The following L1TD1 variants were observed in gnomAD, a reference collection of about 807,000 sequenced individuals.
L1TD1 encodes the protein LINE1 type transposase domain containing 1.
In L1TD1, 26 loss-of-function variants were observed where a neutral mutation model predicts 25.7. The observed-to-expected ratio is 1.01, with a 90% CI of 0.74 to 1.40. The LOEUF (loss-of-function observed/expected upper bound fraction) is 1.40, where lower values mean the gene tolerates loss of function less well. Among genes scored for constraint, L1TD1 ranks in the 40% most tolerant of loss-of-function variants. The probability of loss-of-function intolerance (pLI) is 0.00; values close to 1 mark genes in which losing one functional copy is unlikely to be tolerated. For synonymous variants in L1TD1, 421 were observed against 335.6 expected (o/e 1.25, Z -2.78); for missense variants, 1,130 against 975.0 (o/e 1.16, Z -2.12).
Position 62,207,551 on chromosome 1 carries a change from C to T in L1TD1, c.923C>T (p.Ser308Phe), listed in dbSNP as rs1256670999. The change falls in exon 3 of 4, where the codon TCT becomes TTT. Residue 308 changes from serine to phenylalanine, a missense_variant. Transcript: ENST00000498273. Reference protein sequence around the residue: ...SLRKFASQKSSVKELLKDVLP... With the variant: ...SLRKFASQKSFVKELLKDVLP... ...AGAAAATTTGCCAGCCAAAAATCTT[C>T]TGTGAAAGAATTACTGAAAGATGTA... is the stretch of plus-strand genomic sequence containing the variant. 6.4e-7 allele frequency: 1 copy of T among 1,550,752 alleles called. No homozygotes were observed. The highest frequency in any genetic ancestry group is 1.4e-5 in the African/African-American group (1 of 72,938).
rs1218987312 is a variant in L1TD1, at chr1:62,211,151, A to G, written c.2377A>G (p.Thr793Ala). 6.4e-7 allele frequency: 1 copy of G among 1,550,406 alleles called. No homozygotes were observed. The highest frequency in any genetic ancestry group is 8.7e-7 in the Non-Finnish European group (1 of 1,146,706). ...CTACCAAGGAACAAGAATCAGGTTG[A>G]CAGCAGACTTATCACTGGACACACT... ...ITYQGTRIRL[T>A]ADLSLDTLDA... is the part of the protein sequence containing the mutation. Residue 793 changes from threonine (T) to alanine (A), a missense_variant, in exon 4 of 4, where the codon ACA (threonine) becomes GCA (alanine). Transcript: ENST00000498273.
At chr1:62,202,478 T>G in intron 2 of L1TD1, among the ~76,000 whole-genome samples, 1 of 151,870 alleles carries the variant, frequency 6.6e-6, no homozygotes, top group Non-Finnish European at 1.5e-5. Flanking sequence ...GAAGTTACTT[T>G]GTGATAAATG....
At chr1:62,202,388 C>A (rs971506657) in intron 2 of L1TD1, among the ~76,000 whole-genome samples, 1 of 151,124 alleles carries the variant, frequency 6.6e-6, no homozygotes, top group Non-Finnish European at 1.5e-5. Flanking sequence ...TTACATGTTT[C>A]CTCTTTTGAC....
At chr1:62,198,341 C>T (rs1670581991) in intron 2 of L1TD1, among the ~76,000 whole-genome samples, 1 of 150,804 alleles carries the variant, frequency 6.6e-6, no homozygotes, top group Non-Finnish European at 1.5e-5. Context: ...AAAGCAAAAA[C>T]ACAAAAGTCA....
chr1:62,198,274 C>T (rs561141477), intron 2 of L1TD1, among the ~76,000 whole-genome samples: 2 of 151,442 alleles, frequency 1.3e-5, no homozygotes, highest in African/African-American at 2.4e-5. Flanking sequence ...TTGTGACCAG[C>T]GAACAGTGAT....
chr1:62,209,991 A>AGG lies in L1TD1; in HGVS notation c.1218_1219dup (p.Glu407GlyfsTer27), dbSNP rs768169337. 1.1e-5 allele frequency: 16 copies of AGG among 1,470,834 alleles called. No homozygotes were observed. The African/African-American group carries it at 2.5e-4, about 23-fold the overall frequency. 91.1% of individuals were successfully genotyped at this position (1,470,834 alleles called of 1,614,324 possible). A position where few individuals can be genotyped will look rare whatever the true frequency, so the allele number is the denominator to read the frequency against. On this transcript the variant is annotated frameshift_variant, in exon 4 of 4. Transcript: ENST00000498273. LOFTEE classifies it low-confidence loss of function (END_TRUNC). ...GAAGATACCTCAGGGCTGGAGGAGGAGGAGGAAGAGCCCTCAGGGCTGGAG... is the reference window on the plus strand; with the variant it reads ...GAAGATACCTCAGGGCTGGAGGAGGAGGGGAGGAAGAGCCCTCAGGGCTGGAG...
At chr1:62,199,598 C>T (rs537601472) in intron 2 of L1TD1, among the ~76,000 whole-genome samples, 4 of 151,630 alleles carry the variant, frequency 2.6e-5, no homozygotes, top group East Asian at 1.9e-4. Flanking sequence ...CATGGTGGTG[C>T]GTGCTTGTAT....
At chr1:62,208,388 T>G (rs1670792859) in intron 3 of L1TD1, 1 of 152,288 alleles carries the variant, frequency 6.6e-6, no homozygotes, top group Non-Finnish European at 1.5e-5. Context: ...GCTCATGTTC[T>G]TGATCACCTT....
intron 1 of L1TD1, 118 bp from the exon 2 acceptor site, chr1:62,196,317 T>A (rs1248009363): frequency 1.3e-5 from 2 of 152,226 alleles, no homozygotes; most frequent in African/African-American, 4.8e-5. Context: ...TGTGTGTGCC[T>A]TTTTAAGCAA....
rs78393529 is a variant in L1TD1 at position 62,206,319 on chromosome 1, A to G, written c.-110-200A>G. ...TCTTTGGTTAATTTATTGCATTCAA[A>G]TCACTATGTAAAGGGAATTTTCATG... On this transcript the variant is annotated intron_variant, in intron 2 of 3. Coordinates refer to ENST00000498273, the MANE Select transcript of L1TD1 (RefSeq NM_019079.5). Among the ~76,000 whole-genome samples, 1,201 of 152,250 alleles carry G rather than the reference A, an allele frequency of 7.9e-3. 23 individuals carry two copies. The highest frequency in any genetic ancestry group is 0.028 in the African/African-American group (1,168 of 41,550).
rs1463368851 is a variant in L1TD1 at position 62,207,637 on chromosome 1, G to A, written c.1008+1G>A. 2 of 1,527,554 alleles carry A rather than the reference G, an allele frequency of 1.3e-6. No homozygotes were observed. Among genetic ancestry groups the A allele is most frequent in the Admixed American group, 2.2e-5 (1 of 45,270 alleles). 94.6% of individuals were successfully genotyped at this position (1,527,554 alleles called of 1,614,324 possible). A position where few individuals can be genotyped will look rare whatever the true frequency, so the allele number is the denominator to read the frequency against. On this transcript the variant is annotated splice_donor_variant, in intron 3 of 3. Transcript: ENST00000498273. LOFTEE classifies it high-confidence loss of function. ...AAAATATGGAATTCAAGAAAAAAGG[G>A]TAAGCATACAAATGTATAAATGTAT...
rs1220640977 is a variant in L1TD1 at position 62,205,435 on chromosome 1, A to ATTTTTT, written c.-110-1083_-110-1082insTTTTTT. On this transcript the variant is annotated intron_variant, in intron 2 of 3. Transcript: ENST00000498273. ...TCTCTCTCTATATATATATATATAT[A>ATTTTTT]TATATATATTTTTTTTTAGACAGTC... 4.4e-4 allele frequency among the ~76,000 whole-genome samples: 16 copies of ATTTTTT among 36,046 alleles called. 4 individuals are homozygous for ATTTTTT. The highest frequency in any genetic ancestry group is 1.4e-3 in the African/African-American group (14 of 9,882). The allele number at this position is 36,046 out of a possible 152,430, so 23.6% of individuals were successfully genotyped here.
chr1:62,209,955 T>C lies in L1TD1; in HGVS notation c.1181T>C (p.Met394Thr), dbSNP rs1194503970. ...GAGCTGGATGAAGAGGCCTCAGGGA[T>C]GGAGGATGATGAAGATACCTCAGGG... ...LEELDEEASGMEDDEDTSGLE... is the reference protein window; with the variant it reads ...LEELDEEASGTEDDEDTSGLE... Residue 394 changes from methionine to threonine, a missense_variant, in exon 4 of 4, where the codon ATG becomes ACG. Transcript: ENST00000498273. The C allele has an allele frequency of 7.4e-6, 12 of 1,612,360 alleles. No individual in the cohort carries two copies. The East Asian group carries it at 2.7e-4, about 36-fold the overall frequency.
chr1:62,200,914 GTTTTA>G (rs1670628173), intron 2 of L1TD1, among the ~76,000 whole-genome samples: 2 of 151,888 alleles, frequency 1.3e-5, no homozygotes, highest in South Asian at 2.1e-4. Flanking sequence ...TAGTTTATTT[GTTTTA>G]TTTTATTTTT....
intron 2 of L1TD1, among the ~76,000 whole-genome samples, chr1:62,204,488 A>AC (rs1328907889): frequency 1.3e-5 from 2 of 152,142 alleles, no homozygotes; most frequent in African/African-American, 4.8e-5. Context: ...TAAACATTAA[A>AC]CATAGAAGTT....
chr1:62,210,830 AGTAAAG>A lies in L1TD1; in HGVS notation c.2057_2062del (p.Ser686_Glu688delinsLys). On this transcript the variant is annotated inframe_deletion, in exon 4 of 4. Coordinates refer to ENST00000498273, the MANE Select transcript of L1TD1 (RefSeq NM_019079.5). ...AATGCAAATGACCAAACAGATAATTAGTAAAGAAAGGCAAAGAGATATAGAGGAGAG... is the reference window on the plus strand; with the variant it reads ...AATGCAAATGACCAAACAGATAATTAAAAGGCAAAGAGATATAGAGGAGAG... The A allele has an allele frequency of 6.5e-7, 1 of 1,549,364 alleles. No homozygotes were observed. The highest frequency in any genetic ancestry group is 8.7e-7 in the Non-Finnish European group (1 of 1,146,528).
At chr1:62,195,261 G>C (rs967380132) in intron 1 of L1TD1, among the ~76,000 whole-genome samples, 2 of 152,206 alleles carry the variant, frequency 1.3e-5, no homozygotes, top group Non-Finnish European at 2.9e-5. Flanking sequence ...ATCCGGGTGC[G>C]TGCGTGGGGC....
chr1:62,200,345 A>G (rs1670618844), intron 2 of L1TD1, among the ~76,000 whole-genome samples: 1 of 152,018 alleles, frequency 6.6e-6, no homozygotes, highest in Non-Finnish European at 1.5e-5. Context: ...TAATTTTTGT[A>G]TTTTTAGTAG....
chr1:62,207,716 AT>A (rs550636848), intron 3 of L1TD1, 80 bp downstream of exon 3: 59,484 of 1,308,314 alleles, frequency 0.045, 1,281 homozygotes, highest in Middle Eastern at 0.055. Context: ...GGATAAATCA[AT>A]TTTTTTTTTC....
Sources: allele counts gnomAD v4.1 joint callset (sites outside exome capture counted in the v4.1 genomes callset), GRCh38; gene constraint gnomAD v4.1.1; transcripts MANE v1.5; gene names NCBI Gene and HGNC (gene_info 2026-07-23, HGNC 2026-07-21).